Variants in PCDHA7 observed in about 807,000 individuals in gnomAD.
The protein encoded by PCDHA7 is protocadherin alpha 7.
A neutral mutation model predicts 57.2 loss-of-function variants in PCDHA7; 37 were observed. The observed-to-expected ratio is 0.65, with a 90% CI of 0.50 to 0.85. The LOEUF (loss-of-function observed/expected upper bound fraction) is 0.85. Ranked by LOEUF, PCDHA7 falls within the 40% of genes least tolerant of loss-of-function variation. The pLI is 0.00. For missense variants in PCDHA7, 1,188 were observed against 1,241.8 expected (o/e 0.96, Z 0.65); for synonymous variants, 553 against 558.8 (o/e 0.99, Z 0.15).
intron 1 of PCDHA7, chr5:140,875,832 C>A: frequency 1.2e-6 from 2 of 1,614,086 alleles, no homozygotes; most frequent in South Asian, 1.1e-5. Flanking sequence ...TCCATGTGGA[C>A]GTGGAGGTGA....
intron 1 of PCDHA7, among the ~76,000 whole-genome samples, chr5:140,915,626 G>GTTTCTC (rs149393620): frequency 6.8e-6 from 1 of 146,436 alleles, no homozygotes; most frequent in African/African-American, 2.5e-5. Context: ...GTCTCTTTCT[G>GTTTCTC]TCTCTCTCTC....
intron 3 of PCDHA7, among the ~76,000 whole-genome samples, chr5:140,982,785 G>A (rs1037904724): frequency 2.0e-5 from 3 of 151,236 alleles, no homozygotes; most frequent in African/African-American, 4.9e-5. Flanking sequence ...GTGTGTGCAC[G>A]CATGTGTGCA....
intron 1 of PCDHA7, among the ~76,000 whole-genome samples, chr5:140,924,027 G>T (rs1458552046): frequency 1.3e-5 from 2 of 152,194 alleles, no homozygotes; most frequent in Non-Finnish European, 2.9e-5. Context: ...TTGGAGGCAT[G>T]GCTGCAGACC....
chr5:140,955,603 C>T (rs898504105), intron 1 of PCDHA7, among the ~76,000 whole-genome samples: 1 of 152,146 alleles, frequency 6.6e-6, no homozygotes, highest in Non-Finnish European at 1.5e-5. Flanking sequence ...TTATAAATTA[C>T]CCAGTCTCAG....
At chr5:140,942,109 A>G (rs534603504) in intron 1 of PCDHA7, among the ~76,000 whole-genome samples, 55 of 152,334 alleles carry the variant, frequency 3.6e-4, no homozygotes, top group African/African-American at 1.3e-3. Flanking sequence ...CATATAATCA[A>G]ACTTTATTAA....
chr5:140,988,193 A>G (rs528689173), intron 3 of PCDHA7, among the ~76,000 whole-genome samples: 4 of 152,192 alleles, frequency 2.6e-5, no homozygotes, highest in South Asian at 2.1e-4. Flanking sequence ...AGGTGTGTGC[A>G]TATCCTTATT....
chr5:140,837,989 C>T (rs1167865074), intron 1 of PCDHA7, among the ~76,000 whole-genome samples: 3 of 151,358 alleles, frequency 2.0e-5, no homozygotes, highest in Non-Finnish European at 4.4e-5. Context: ...TGCCTTTCAT[C>T]TTTCCTTTTT....
At chr5:140,874,328 T>G (rs937817026) in intron 1 of PCDHA7, among the ~76,000 whole-genome samples, 1 of 144,806 alleles carries the variant, frequency 6.9e-6, no homozygotes, top group African/African-American at 2.9e-5. Flanking sequence ...TCTTATCTGT[T>G]TTTTTCTCTT....
chr5:140,857,687 A>C, intron 1 of PCDHA7: 1 of 1,597,130 alleles, frequency 6.3e-7, no homozygotes, highest in South Asian at 1.1e-5. Context: ...TCTGGGCAGC[A>C]ACTTGACGCT....
intron 1 of PCDHA7, among the ~76,000 whole-genome samples, chr5:140,878,446 T>C (rs2057593210): frequency 6.6e-6 from 1 of 152,210 alleles, no homozygotes; most frequent in Admixed American, 6.5e-5. Flanking sequence ...CTATTCTTAT[T>C]TACATGAAAT....
intron 3 of PCDHA7, among the ~76,000 whole-genome samples, chr5:140,990,426 G>A (rs3756324): frequency 0.3 from 46,292 of 152,022 alleles, 7,253 homozygotes; most frequent in East Asian, 0.43. Flanking sequence ...AACCAGCATT[G>A]ACCCAATCTT....
intron 3 of PCDHA7, among the ~76,000 whole-genome samples, chr5:140,986,055 T>C (rs2097185833): frequency 6.6e-6 from 1 of 152,164 alleles, no homozygotes; most frequent in African/African-American, 2.4e-5. Context: ...ATGAATTCTT[T>C]TGCTTTTTAA....
At chr5:140,911,987 G>A (rs1554195079) in intron 1 of PCDHA7, among the ~76,000 whole-genome samples, 1 of 152,086 alleles carries the variant, frequency 6.6e-6, no homozygotes, top group Admixed American at 6.6e-5. Context: ...TGATCACAAG[G>A]TCCCACAATA....
At chr5:140,884,820 T>A (rs1318105542) in intron 1 of PCDHA7, 2 of 1,013,184 alleles carry the variant, frequency 2.0e-6, no homozygotes, top group Non-Finnish European at 2.8e-6. Context: ...GTGGACATTA[T>A]GTGTTGGATT....
At position 141,011,477 on chromosome 5, in the gene PCDHA7, T is replaced by C. The variant is rs1256394490; in HGVS notation, c.*1540T>C. 2 of 153,818 alleles carry C rather than the reference T, an allele frequency of 1.3e-5. No homozygotes were observed. Among genetic ancestry groups the C allele is most frequent in the Non-Finnish European group, 2.9e-5 (2 of 68,052 alleles). The allele number at this position is 153,818 out of a possible 1,614,324, so 9.5% of individuals were successfully genotyped here. ...TTTATTGTTGAATGTAATTCCATTA[T>C]ATTTCCTTTTGTACACCTGTGAAAA... On this transcript the variant is annotated 3_prime_UTR_variant, in exon 4 of 4. Transcript: ENST00000525929.
At chr5:140,862,371 T>C in intron 1 of PCDHA7, 1 of 341,736 alleles carries the variant, frequency 2.9e-6, no homozygotes, top group Non-Finnish European at 5.8e-6. Flanking sequence ...ACCCGCACCC[T>C]GACTCCTCAC....
intron 1 of PCDHA7, among the ~76,000 whole-genome samples, chr5:140,920,489 A>G (rs1323711960): frequency 2.6e-5 from 4 of 152,182 alleles, no homozygotes; most frequent in African/African-American, 9.7e-5. Flanking sequence ...TGGTCCAACA[A>G]TAGAGTTCTA....
chr5:140,846,369 CTTTCTTTTTTT>C (rs1554141260), intron 1 of PCDHA7, among the ~76,000 whole-genome samples: 1 of 102,192 alleles, frequency 9.8e-6, no homozygotes, highest in Admixed American at 1.1e-4. Context: ...TCTTTTCTTT[CTTTCTTTTTTT>C]TTTTTTTTTT....
chr5:140,928,802 TG>T, intron 1 of PCDHA7: 1 of 1,614,142 alleles, frequency 6.2e-7, no homozygotes, highest in South Asian at 1.1e-5. Context: ...GTGGTGGTAG[TG>T]GTTCGGGACC....
Sources: gnomAD v4.1 joint callset for allele counts (sites outside exome capture counted in the v4.1 genomes callset) on GRCh38, gnomAD v4.1.1 for gene constraint, MANE v1.5 for transcripts, NCBI Gene and HGNC (gene_info 2026-07-23, HGNC 2026-07-21) for gene names.